CDH18: variants seen among roughly 807,000 people sequenced by gnomAD.
CDH18 encodes the protein cadherin-18.
Under a neutral mutation model 67.9 loss-of-function variants are expected in CDH18, and 31 were observed. That is an observed-to-expected ratio of 0.46 (90% CI 0.34 to 0.62). The LOEUF is 0.62. CDH18 is among the 20% of genes least tolerant of loss of function. The pLI is 0.01. For synonymous variants in CDH18, 362 were observed against 347.2 expected (o/e 1.04, Z -0.48); for missense variants, 890 against 975.5 (o/e 0.91, Z 1.17).
chr5:19,725,071 C>G (rs926500896), intron 4 of CDH18, among the ~76,000 whole-genome samples: 1 of 151,900 alleles, frequency 6.6e-6, no homozygotes, highest in Non-Finnish European at 1.5e-5. Flanking sequence ...GGACTACAGG[C>G]GCCCGCCACC....
intron 1 of CDH18, chr5:20,331,533 T>C (rs1480383594): frequency 1.3e-5 from 2 of 152,180 alleles, no homozygotes; most frequent in East Asian, 3.8e-4. Flanking sequence ...ATATTCAAAA[T>C]TCTGTAACAC....
rs869259013 is a variant in CDH18, at chr5:19,719,957, G to GAAAGAAAGA, written c.643+1389_643+1390insTCTTTCTTT. ...AGAAAGAAAGAAAGAAAGAAAGAAAGAAGGAAAGAGTTAAGCAAGTATGTC... is the reference window on the plus strand; with the variant it reads ...AGAAAGAAAGAAAGAAAGAAAGAAAGAAAGAAAGAAAGGAAAGAGTTAAGCAAGTATGTC... On this transcript the variant is annotated intron_variant, in intron 5 of 12. Transcript: ENST00000382275. 1.8e-3 allele frequency among the ~76,000 whole-genome samples: 264 copies of GAAAGAAAGA among 149,512 alleles called. 1 individual carries two copies. Among genetic ancestry groups the GAAAGAAAGA allele is most frequent in the African/African-American group, 6.0e-3 (245 of 40,744 alleles).
intron 5 of CDH18, among the ~76,000 whole-genome samples, chr5:19,666,121 G>A (rs1000427755): frequency 2.0e-5 from 3 of 151,562 alleles, no homozygotes; most frequent in Non-Finnish European, 4.4e-5. Context: ...CCAGGCTGGA[G>A]TGCAGTGGTA....
chr5:20,126,137 T>A (rs776424080), intron 2 of CDH18, among the ~76,000 whole-genome samples: 16 of 152,068 alleles, frequency 1.1e-4, no homozygotes, highest in Admixed American at 2.6e-4. Context: ...TGGAACAGAA[T>A]AAGGAGCGCG....
chr5:19,485,281 C>T (rs1483112149), intron 11 of CDH18, among the ~76,000 whole-genome samples: 1 of 144,864 alleles, frequency 6.9e-6, no homozygotes, highest in African/African-American at 2.6e-5. Context: ...TTTTAGATGG[C>T]GTCTCGCTCT....
At chr5:20,452,390 G>T (rs963282520) in intron 1 of CDH18, among the ~76,000 whole-genome samples, 1 of 152,008 alleles carries the variant, frequency 6.6e-6, no homozygotes, top group African/African-American at 2.4e-5. Context: ...GTGACAGATT[G>T]GATAAAAACA....
chr5:20,329,727 G>A (rs111696264), intron 1 of CDH18, among the ~76,000 whole-genome samples: 1,719 of 121,794 alleles, frequency 0.014, 37 homozygotes, highest in African/African-American at 0.051. Flanking sequence ...CCAAGTTTGC[G>A]CCACTGTACT....
rs191179976 is a variant in CDH18 at position 20,045,018 on chromosome 5, C to A, written c.-517-53004G>T. 3.0e-3 allele frequency among the ~76,000 whole-genome samples: 460 copies of A among 151,990 alleles called. 1 individual carries two copies. Among genetic ancestry groups the A allele is most frequent in the Non-Finnish European group, 5.3e-3 (359 of 67,960 alleles). Reference sequence around the variant, plus strand: ...TCTAACAAAAATGTTTAGTGGCTACCCAAAATTCTAGAGAGAAAGATTATT... The same window carrying A: ...TCTAACAAAAATGTTTAGTGGCTACACAAAATTCTAGAGAGAAAGATTATT... On this transcript the variant is annotated intron_variant, in intron 2 of 14. Coordinates refer to the CDH18 transcript ENST00000507958.
At chr5:19,507,941 A>G (rs1275803168) in intron 10 of CDH18, among the ~76,000 whole-genome samples, 2 of 151,986 alleles carry the variant, frequency 1.3e-5, no homozygotes, top group African/African-American at 4.8e-5. Flanking sequence ...TAGTCTCTAC[A>G]TAAAAAATGA....
chr5:19,620,742 G>A (rs1028704267), intron 5 of CDH18, among the ~76,000 whole-genome samples: 8 of 151,952 alleles, frequency 5.3e-5, no homozygotes, highest in African/African-American at 1.9e-4. Flanking sequence ...AGTATTCAAT[G>A]TGATCTGTGT....
At chr5:19,653,183 C>A (rs930181189) in intron 5 of CDH18, among the ~76,000 whole-genome samples, 18 of 151,830 alleles carry the variant, frequency 1.2e-4, no homozygotes, top group Non-Finnish European at 2.6e-4. Flanking sequence ...ATTACATTTA[C>A]ACCAACTTAA....
At chr5:20,022,062 T>C (rs1738473962) in intron 2 of CDH18, among the ~76,000 whole-genome samples, 1 of 152,342 alleles carries the variant, frequency 6.6e-6, no homozygotes, top group Non-Finnish European at 1.5e-5. Context: ...AAAGGATTAA[T>C]CACAATGTGT....
chr5:19,797,857 C>G (rs1449159158), intron 3 of CDH18, among the ~76,000 whole-genome samples: 3 of 151,776 alleles, frequency 2.0e-5, no homozygotes, highest in Non-Finnish European at 4.4e-5. Context: ...AAGACACAGG[C>G]CTTCAATTAA....
At chr5:20,501,594 T>TTATATATA (rs370110007) in intron 1 of CDH18, among the ~76,000 whole-genome samples, 4 of 35,298 alleles carry the variant, frequency 1.1e-4, no homozygotes, top group African/African-American at 4.5e-4. Context: ...TATATATATA[T>TTATATATA]TATATATATA....
At chr5:20,107,940 C>T (rs1249536454) in intron 2 of CDH18, among the ~76,000 whole-genome samples, 6 of 136,138 alleles carry the variant, frequency 4.4e-5, no homozygotes, top group Non-Finnish European at 7.8e-5. Flanking sequence ...TGTGTTCACA[C>T]GAGGGCCTCC....
At chr5:19,565,845 C>A (rs1408061589) in intron 8 of CDH18, among the ~76,000 whole-genome samples, 1 of 152,064 alleles carries the variant, frequency 6.6e-6, no homozygotes, top group Non-Finnish European at 1.5e-5. Flanking sequence ...CAAGCACAGT[C>A]AACCAAATAA....
intron 1 of CDH18, among the ~76,000 whole-genome samples, chr5:20,417,231 T>C (rs1051405722): frequency 3.3e-5 from 5 of 152,182 alleles, no homozygotes; most frequent in Non-Finnish European, 7.4e-5. Flanking sequence ...GTAGCTGTTC[T>C]GTTGCCCGAA....
intron 2 of CDH18, among the ~76,000 whole-genome samples, chr5:20,128,339 G>A (rs1183530094): frequency 2.0e-5 from 3 of 152,008 alleles, no homozygotes; most frequent in Non-Finnish European, 4.4e-5. Flanking sequence ...TGGCTAAAAT[G>A]TCTCTGAGTT....
At chr5:19,830,733 C>T (rs979858960) in intron 3 of CDH18, among the ~76,000 whole-genome samples, 4 of 152,200 alleles carry the variant, frequency 2.6e-5, no homozygotes, top group African/African-American at 4.8e-5. Context: ...CACACATATA[C>T]GCATATGTTT....
Sources: allele counts gnomAD v4.1 joint callset (sites outside exome capture counted in the v4.1 genomes callset), GRCh38; gene constraint gnomAD v4.1.1; transcripts MANE v1.5; gene names NCBI Gene and HGNC (gene_info 2026-07-23, HGNC 2026-07-21).